The following RALGAPA1 variants were observed in gnomAD, a reference collection of about 807,000 sequenced individuals.
The protein encoded by RALGAPA1 is ral GTPase-activating protein subunit alpha-1.
RALGAPA1 carries 52 observed loss-of-function variants against 269.6 expected under a neutral mutation model. The observed-to-expected ratio is 0.19, with a 90% confidence interval of 0.15 to 0.24. The LOEUF (loss-of-function observed/expected upper bound fraction) is 0.24, where lower values mean the gene tolerates loss of function less well. RALGAPA1 is among the 10% of genes least tolerant of loss of function. RALGAPA1 has a pLI of 1.00. For synonymous variants in RALGAPA1, 817 were observed against 1,008.3 expected, an observed-to-expected ratio of 0.81 and a Z score of 3.60; for missense variants, 1,917 against 3,013.9, an observed-to-expected ratio of 0.64 and a Z score of 8.52.
At chr14:35,612,361 ACT>A (rs1225361060) in intron 35 of RALGAPA1, among the ~76,000 whole-genome samples, 2 of 142,472 alleles carry the variant, frequency 1.4e-5, no homozygotes, top group Admixed American at 7.2e-5. Context: ...ACAGAATGAA[ACT>A]CTGTTTCAAA....
intron 7 of RALGAPA1, chr14:35,756,208 T>C (rs2073159246): frequency 6.6e-6 from 1 of 152,194 alleles, no homozygotes; most frequent in South Asian, 2.1e-4. Context: ...GTCTACAAAA[T>C]TGTCCCTCTC....
At chr14:35,646,787 G>T (rs2139933166) in intron 31 of RALGAPA1, among the ~76,000 whole-genome samples, 1 of 152,174 alleles carries the variant, frequency 6.6e-6, no homozygotes, top group East Asian at 1.9e-4. Flanking sequence ...TAAGAGAATT[G>T]CTTGATTTTA....
At chr14:35,544,613 T>C (rs2054291368) in intron 41 of RALGAPA1, among the ~76,000 whole-genome samples, 1 of 152,208 alleles carries the variant, frequency 6.6e-6, no homozygotes, top group Admixed American at 6.5e-5. Flanking sequence ...GTGGGTCTTA[T>C]TTAAGATTAT....
At chr14:35,661,011 G>A (rs1290541762) in intron 27 of RALGAPA1, among the ~76,000 whole-genome samples, 2 of 152,106 alleles carry the variant, frequency 1.3e-5, no homozygotes, top group East Asian at 1.9e-4. Flanking sequence ...TTTCAAATAC[G>A]CAGGATGACT....
At chr14:35,608,505 T>C (rs1479236064) in intron 35 of RALGAPA1, among the ~76,000 whole-genome samples, 2 of 152,024 alleles carry the variant, frequency 1.3e-5, no homozygotes, top group Non-Finnish European at 2.9e-5. Context: ...AAAGTTGAAG[T>C]CAAAGGAATG....
chr14:35,639,951 A>C (rs2061912675), intron 31 of RALGAPA1, among the ~76,000 whole-genome samples: 1 of 152,016 alleles, frequency 6.6e-6, no homozygotes, highest in Admixed American at 6.6e-5. Context: ...AAGAAAAAAA[A>C]AAAAAAGAAA....
rs767285948 is a variant in RALGAPA1, at chr14:35,627,447, A to C, written c.6500T>G (p.Phe2167Cys). 11 of 1,613,398 alleles carry C rather than the reference A, an allele frequency of 6.8e-6. No homozygotes were observed. In the South Asian group the frequency reaches 1.2e-4, roughly 18 times the overall value. ...ITVKDGLSLQ[F>C]KRFRETVPTW... is the part of the protein sequence containing the mutation. ...TGGTACAGTTTCTCTAAATCTTTTA[A>C]ACTGGAGAGAAAGTCCATCTTTTAC... The change falls in exon 34 of 42, where the codon TTT becomes TGT. Residue 2167 changes from phenylalanine to cysteine, a missense_variant. Transcript: ENST00000680220.
In RALGAPA1 at chr14:35,539,654, G is replaced by A. The variant is rs761187454; in HGVS notation, c.*60C>T. The A allele has an allele frequency of 1.9e-6, 3 of 1,614,158 alleles. No homozygotes were observed. The highest frequency in any genetic ancestry group is 2.5e-6 in the Non-Finnish European group (3 of 1,180,034). On this transcript the variant is annotated 3_prime_UTR_variant, in exon 42 of 42. Transcript: ENST00000680220. The stretch of plus-strand genomic sequence containing the variant: ...GTCAGCCCCATCTACCTGCGTTGCT[G>A]TGGGAGTTTCACTGGGTAGAATCTC...
chr14:35,629,172 G>A (rs1284499426), intron 33 of RALGAPA1, among the ~76,000 whole-genome samples: 2 of 152,182 alleles, frequency 1.3e-5, no homozygotes, highest in Non-Finnish European at 2.9e-5. Context: ...GTGGTGTCAG[G>A]AAGTAGGGAC....
At chr14:35,681,765 C>T (rs1225771003) in intron 21 of RALGAPA1, among the ~76,000 whole-genome samples, 1 of 152,110 alleles carries the variant, frequency 6.6e-6, no homozygotes, top group Admixed American at 6.5e-5. Context: ...GTTCCATCAC[C>T]ATAAAGTTTT....
At chr14:35,661,948 A>G (rs574813959) in intron 27 of RALGAPA1, among the ~76,000 whole-genome samples, 1 of 152,306 alleles carries the variant, frequency 6.6e-6, no homozygotes, top group East Asian at 1.9e-4. Flanking sequence ...ATAAAGACAG[A>G]ACATAAATCT....
intron 12 of RALGAPA1, among the ~76,000 whole-genome samples, chr14:35,736,652 A>C (rs1385952980): frequency 1.3e-5 from 2 of 152,194 alleles, no homozygotes; most frequent in Non-Finnish European, 2.9e-5. Flanking sequence ...GCTTCTGATA[A>C]ATCAAGCAGG....
rs762791911 is a variant in RALGAPA1 at position 35,742,318 on chromosome 14, CTCTTAA to C, written c.1449+44_1449+49del. On this transcript the variant is annotated intron_variant, in intron 11 of 41. Transcript: ENST00000680220. ...AACCCATTATTATGTTTCTGCAAAACTCTTAATCTATTAGACTAACACTAAAATATA... is the reference window on the plus strand; with the variant it reads ...AACCCATTATTATGTTTCTGCAAAACTCTATTAGACTAACACTAAAATATA... 35 of 1,292,936 alleles carry C rather than the reference CTCTTAA, an allele frequency of 2.7e-5. No homozygotes were observed. The African/African-American group carries it at 4.9e-4, about 18-fold the overall frequency. 80.1% of individuals were successfully genotyped at this position (1,292,936 alleles called of 1,614,324 possible).
At chr14:35,577,462 T>C (rs1479195725) in intron 37 of RALGAPA1, among the ~76,000 whole-genome samples, 1 of 152,210 alleles carries the variant, frequency 6.6e-6, no homozygotes, top group Non-Finnish European at 1.5e-5. Flanking sequence ...AAGATGGTCA[T>C]CTGTGAACAA....
At chr14:35,560,695 G>A (rs778489535) in intron 39 of RALGAPA1, among the ~76,000 whole-genome samples, 19 of 152,068 alleles carry the variant, frequency 1.2e-4, no homozygotes, top group Non-Finnish European at 2.1e-4. Flanking sequence ...GCCATATACT[G>A]AAGTCATTTT....
intron 1 of RALGAPA1, among the ~76,000 whole-genome samples, chr14:35,801,279 ACAC>A (rs2076960597): frequency 1.4e-5 from 2 of 145,904 alleles, no homozygotes; most frequent in East Asian, 2.1e-4. Context: ...ACACACACAC[ACAC>A]ATTTGAGATA....
chr14:35,693,857 G>GT (rs1490189801), intron 17 of RALGAPA1, among the ~76,000 whole-genome samples: 6 of 151,814 alleles, frequency 4.0e-5, no homozygotes, highest in African/African-American at 1.2e-4. Flanking sequence ...TAAAAAACCG[G>GT]TTTTTTCCCG....
At chr14:35,618,938 C>CA (rs1327555994) in intron 35 of RALGAPA1, among the ~76,000 whole-genome samples, 2 of 151,910 alleles carry the variant, frequency 1.3e-5, no homozygotes, top group Non-Finnish European at 2.9e-5. Context: ...TGGTGCTTTG[C>CA]TTTTTCTACA....
intron 17 of RALGAPA1, among the ~76,000 whole-genome samples, chr14:35,699,163 T>C (rs913677240): frequency 2.0e-5 from 3 of 152,192 alleles, no homozygotes; most frequent in Non-Finnish European, 4.4e-5. Flanking sequence ...TTCTAATTAA[T>C]TATATTATGG....
Sources: allele counts gnomAD v4.1 joint callset (sites outside exome capture counted in the v4.1 genomes callset), GRCh38; gene constraint gnomAD v4.1.1; transcripts MANE v1.5; gene names NCBI Gene and HGNC (gene_info 2026-07-23, HGNC 2026-07-21).